Variants in MED27 observed in about 807,000 individuals in gnomAD.
MED27 encodes the protein mediator complex subunit 27.
In MED27, 30 loss-of-function variants were observed where a neutral mutation model predicts 38.2. The ratio of observed to expected loss-of-function variants is 0.79; its 90% CI spans 0.59 to 1.07. The LOEUF is 1.07. MED27 is among the 50% of genes least tolerant of loss of function. MED27 has a pLI of 0.00. For missense variants in MED27, 289 were observed against 397.5 expected, an observed-to-expected ratio of 0.73 and a Z score of 2.32; for synonymous variants, 122 against 153.5, an observed-to-expected ratio of 0.79 and a Z score of 1.52.
intron 5 of MED27, among the ~76,000 whole-genome samples, chr9:131,890,703 G>A (rs1345451738): frequency 1.3e-5 from 2 of 152,176 alleles, no homozygotes; most frequent in Non-Finnish European, 1.5e-5. Flanking sequence ...GTCACACGAT[G>A]GAGCCTGTGC....
intron 6 of MED27, among the ~76,000 whole-genome samples, chr9:131,874,495 G>T (rs557096468): frequency 6.6e-5 from 10 of 152,258 alleles, no homozygotes; most frequent in African/African-American, 2.4e-4. Flanking sequence ...AAAGTGGACA[G>T]GAGTGTATGT....
chr9:131,967,786 C>T (rs903764504), intron 3 of MED27, among the ~76,000 whole-genome samples: 1 of 150,940 alleles, frequency 6.6e-6, no homozygotes, highest in African/African-American at 2.4e-5. Context: ...GTTGGGATTA[C>T]AGGCGTGAGC....
intron 2 of MED27, among the ~76,000 whole-genome samples, chr9:132,056,985 G>GA (rs1833592570): frequency 6.6e-6 from 1 of 152,206 alleles, no homozygotes. Flanking sequence ...AGAGACTCAT[G>GA]AGGAAGCAGA....
chr9:131,997,043 C>T lies in MED27; in HGVS notation c.479+17294G>A, dbSNP rs181575646. Among the ~76,000 whole-genome samples the T allele has an allele frequency of 3.3e-5, 5 of 152,210 alleles. No homozygotes were observed. Among genetic ancestry groups the T allele is most frequent in the Non-Finnish European group, 4.4e-5 (3 of 68,014 alleles). On this transcript the variant is annotated intron_variant, in intron 3 of 7. Coordinates refer to ENST00000292035, the MANE Select transcript of MED27 (RefSeq NM_004269.4). This position sits in a 1 kb window ranked among gnomAD's most constrained non-coding sequence, Gnocchi z 4.0. ...TATGGTGGGGGATGGGTACCCCTAA[C>T]GCTGTGTTAAGGGTCAACTGTAGTT...
chr9:132,079,523 G>A (rs1334045382), intron 1 of MED27, 119 bp downstream of exon 1: 3 of 912,704 alleles, frequency 3.3e-6, no homozygotes, highest in African/African-American at 1.7e-5. Context: ...AACAAGAAGA[G>A]AAAGAACAGG....
At chr9:131,985,944 CA>C (rs1417807123) in intron 3 of MED27, among the ~76,000 whole-genome samples, 1 of 144,436 alleles carries the variant, frequency 6.9e-6, no homozygotes, top group Non-Finnish European at 1.5e-5. Context: ...TTGGTTTTAG[CA>C]AAAAAGTTTA....
intron 4 of MED27, among the ~76,000 whole-genome samples, chr9:131,921,395 A>C (rs1474711986): frequency 6.6e-6 from 1 of 152,220 alleles, no homozygotes; most frequent in Non-Finnish European, 1.5e-5. Flanking sequence ...TACATTTCTT[A>C]GTTCACATTC....
intron 3 of MED27, among the ~76,000 whole-genome samples, chr9:131,988,659 G>A (rs1164949040): frequency 1.3e-5 from 2 of 152,042 alleles, no homozygotes; most frequent in Admixed American, 1.3e-4. Flanking sequence ...CGGGGGGATT[G>A]GGGGAGAGAC....
chr9:131,868,317 C>T (rs1211511493), intron 6 of MED27, among the ~76,000 whole-genome samples: 1 of 152,204 alleles, frequency 6.6e-6, no homozygotes, highest in African/African-American at 2.4e-5. Flanking sequence ...ATTGCTCTGT[C>T]GCCTAGGCTG....
At chr9:131,991,905 T>C (rs1564315356) in intron 3 of MED27, among the ~76,000 whole-genome samples, 2 of 152,064 alleles carry the variant, frequency 1.3e-5, no homozygotes, top group Non-Finnish European at 2.9e-5. Flanking sequence ...GTATCTTTAG[T>C]AGAGATGGGG....
At chr9:131,960,245 C>T (rs1831188165) in intron 3 of MED27, among the ~76,000 whole-genome samples, 1 of 152,092 alleles carries the variant, frequency 6.6e-6, no homozygotes, top group South Asian at 2.1e-4. Flanking sequence ...TTTCAGACAC[C>T]CACTCTTGTA....
chr9:131,916,223 A>C (rs571312971), intron 4 of MED27, among the ~76,000 whole-genome samples: 1 of 152,234 alleles, frequency 6.6e-6, no homozygotes, highest in Non-Finnish European at 1.5e-5. Context: ...TAAAATATCA[A>C]GATAAACTGC....
intron 5 of MED27, among the ~76,000 whole-genome samples, chr9:131,891,534 T>G (rs1315293385): frequency 6.6e-6 from 1 of 152,234 alleles, no homozygotes; most frequent in Admixed American, 6.5e-5. Flanking sequence ...ATAAGGCACA[T>G]CAGCAAACTG....
intron 6 of MED27, chr9:131,869,247 T>C (rs558858031): frequency 1.0e-6 from 1 of 985,490 alleles, no homozygotes; most frequent in East Asian, 1.1e-4. Context: ...TCTGGGTGGC[T>C]GTGGAGCACA....
intron 3 of MED27, among the ~76,000 whole-genome samples, chr9:131,953,236 T>C (rs1043628025): frequency 6.6e-6 from 1 of 152,200 alleles, no homozygotes; most frequent in African/African-American, 2.4e-5. Flanking sequence ...CCAGTCTGGT[T>C]TTCTGCTGCC....
At chr9:132,053,296 T>C (rs1833505924) in intron 2 of MED27, among the ~76,000 whole-genome samples, 1 of 150,568 alleles carries the variant, frequency 6.6e-6, no homozygotes, top group African/African-American at 2.4e-5. Context: ...CTCAGACACC[T>C]GTGAGTTAGG....
intron 3 of MED27, among the ~76,000 whole-genome samples, chr9:131,959,845 C>CATAAA (rs1342260936): frequency 6.6e-6 from 1 of 152,132 alleles, no homozygotes; most frequent in Non-Finnish European, 1.5e-5. Context: ...ACCATTCTGG[C>CATAAA]ATAAAATACG....
At position 131,860,360 on chromosome 9, in the gene MED27, T is replaced by G; in HGVS notation, c.*178A>C. ...TGGCTAGTGGGAATAATTAGTCCCA[T>G]CAGCCACAGAGGGAGTCTGCTCTTC... On this transcript the variant is annotated 3_prime_UTR_variant, in exon 8 of 8. Coordinates refer to ENST00000292035, the MANE Select transcript of MED27 (RefSeq NM_004269.4). This position sits in a 1 kb window ranked among gnomAD's most constrained non-coding sequence, Gnocchi z 5.8. 3.1e-6 allele frequency: 2 copies of G among 645,740 alleles called. No individual in the cohort carries two copies. Among genetic ancestry groups the G allele is most frequent in the Non-Finnish European group, 4.8e-6 (2 of 418,042 alleles). 40.0% of individuals were successfully genotyped at this position (645,740 alleles called of 1,614,324 possible).
At chr9:131,880,472 A>G (rs1473866043) in intron 6 of MED27, among the ~76,000 whole-genome samples, 1 of 152,248 alleles carries the variant, frequency 6.6e-6, no homozygotes, top group Non-Finnish European at 1.5e-5. Flanking sequence ...AATCTGGTAC[A>G]GGTCAATATC....
Sources: allele counts gnomAD v4.1 joint callset (sites outside exome capture counted in the v4.1 genomes callset), GRCh38; gene constraint gnomAD v4.1.1; non-coding constraint Gnocchi (gnomAD v3.1); transcripts MANE v1.5; gene names NCBI Gene and HGNC (gene_info 2026-07-23, HGNC 2026-07-21).